LRRFIP2: variants seen among roughly 807,000 people sequenced by gnomAD.
LRRFIP2 encodes leucine-rich repeat flightless-interacting protein 2.
Under a neutral mutation model 125.9 loss-of-function variants are expected in LRRFIP2, and 109 were observed. The ratio of observed to expected loss-of-function variants is 0.87; its 90% CI spans 0.74 to 1.01. LRRFIP2 has a LOEUF of 1.01. LRRFIP2 is among the 50% of genes least tolerant of loss of function. LRRFIP2 has a pLI of 0.00. For synonymous variants in LRRFIP2, 291 were observed against 293.1 expected (o/e 0.99, Z 0.07); for missense variants, 850 against 862.3 (o/e 0.99, Z 0.18).
rs189217988 is a variant in LRRFIP2, at chr3:37,074,589, T to C, written c.1371+435A>G. Among the ~76,000 whole-genome samples the C allele has an allele frequency of 2.7e-3, 416 of 152,356 alleles. 3 individuals carry two copies. Among genetic ancestry groups the C allele is most frequent in the African/African-American group, 9.6e-3 (398 of 41,580 alleles). On this transcript the variant is annotated intron_variant, in intron 20 of 27. Transcript: ENST00000336686. ...CTGAACCTTCAGACTAACCATTCTTTACCTTTTTGTACAGAACGTATCTTG... is the reference window on the plus strand; with the variant it reads ...CTGAACCTTCAGACTAACCATTCTTCACCTTTTTGTACAGAACGTATCTTG...
chr3:37,058,691 A>C, intron 25 of LRRFIP2, 99 bp downstream of exon 25: 1 of 1,270,482 alleles, frequency 7.9e-7, no homozygotes, highest in Non-Finnish European at 1.1e-6. Flanking sequence ...AAAAAAAAAA[A>C]GAAAAGTGTA....
chr3:37,101,948 G>A lies in LRRFIP2; in HGVS notation c.873+976C>T, dbSNP rs191507957. ...AGTTCCTGATGAATGTGGGAGCAAT[G>A]GATAGGCACACTTCTTCAGAACAAT... is the stretch of plus-strand genomic sequence containing the variant. On this transcript the variant is annotated intron_variant, in intron 15 of 27. Transcript: ENST00000336686. Among the ~76,000 whole-genome samples, 19 of 152,210 alleles carry A rather than the reference G, an allele frequency of 1.2e-4. No homozygotes were observed. The South Asian group carries it at 2.3e-3, about 18-fold the overall frequency.
In LRRFIP2 at chr3:37,092,910, C is replaced by T. The variant is rs541088395; in HGVS notation, c.1036-1372G>A. On this transcript the variant is annotated intron_variant, in intron 17 of 27. Transcript: ENST00000336686. Reference sequence around the variant, plus strand: ...CTGGAGTGCAGAGGCACGATCTCGGCTCACTGCAACCTCTGCCTCCCGGGT... The same window carrying T: ...CTGGAGTGCAGAGGCACGATCTCGGTTCACTGCAACCTCTGCCTCCCGGGT... 2.6e-5 allele frequency among the ~76,000 whole-genome samples: 4 copies of T among 152,274 alleles called. No homozygotes were observed. In the East Asian group the frequency reaches 7.7e-4, roughly 29 times the overall value.
chr3:37,128,028 C>T (rs1465363082), intron 3 of LRRFIP2, among the ~76,000 whole-genome samples: 1 of 152,092 alleles, frequency 6.6e-6, no homozygotes, highest in Non-Finnish European at 1.5e-5. Context: ...CTCAAGTGAT[C>T]CTCCACTTCA....
chr3:37,055,960 T>C (rs1371706870), intron 25 of LRRFIP2, among the ~76,000 whole-genome samples: 1 of 152,234 alleles, frequency 6.6e-6, no homozygotes, highest in Non-Finnish European at 1.5e-5. Flanking sequence ...ACCTCTTTCA[T>C]GACTCCCCTT....
At chr3:37,151,905 G>C (rs868366738) in intron 1 of LRRFIP2, among the ~76,000 whole-genome samples, 5 of 152,038 alleles carry the variant, frequency 3.3e-5, no homozygotes, top group African/African-American at 1.2e-4. Flanking sequence ...AGGCCTGGCC[G>C]GAAGATTTCT....
chr3:37,131,258 T>C (rs535670530), intron 2 of LRRFIP2, among the ~76,000 whole-genome samples: 1 of 152,302 alleles, frequency 6.6e-6, no homozygotes, highest in Admixed American at 6.5e-5. Flanking sequence ...ACAAACTGTT[T>C]GGCAGGAGCT....
At chr3:37,117,826 G>C (rs1396808072) in intron 6 of LRRFIP2, among the ~76,000 whole-genome samples, 2 of 151,984 alleles carry the variant, frequency 1.3e-5, no homozygotes, top group Non-Finnish European at 2.9e-5. Flanking sequence ...CATTTTCCTG[G>C]GCTACACACC....
At chr3:37,089,851 A>G (rs1181765317) in intron 18 of LRRFIP2, among the ~76,000 whole-genome samples, 2 of 152,216 alleles carry the variant, frequency 1.3e-5, no homozygotes, top group Non-Finnish European at 2.9e-5. Context: ...CTAAAACCTT[A>G]AAAGAGAGAT....
chr3:37,112,886 A>C, intron 8 of LRRFIP2, 29 bp downstream of exon 8: 1 of 1,355,706 alleles, frequency 7.4e-7, no homozygotes, highest in Middle Eastern at 1.9e-4. Context: ...TACTTCGTGA[A>C]TTGTGATATG....
intron 1 of LRRFIP2, among the ~76,000 whole-genome samples, chr3:37,173,612 G>A (rs1035856096): frequency 2.6e-5 from 4 of 152,166 alleles, no homozygotes; most frequent in African/African-American, 9.7e-5. Flanking sequence ...TATTTTGCAG[G>A]TGCAATGGAT....
chr3:37,082,514 T>C lies in LRRFIP2; in HGVS notation c.1278+1122A>G, dbSNP rs79227642. On this transcript the variant is annotated intron_variant, in intron 19 of 27. Transcript: ENST00000336686. ...ATTTCGTTCTATCACTGAACCAACATTGACAGATCACTATCACCCAAAGTC... is the reference window on the plus strand; with the variant it reads ...ATTTCGTTCTATCACTGAACCAACACTGACAGATCACTATCACCCAAAGTC... Among the ~76,000 whole-genome samples, 41 of 152,200 alleles carry C rather than the reference T, an allele frequency of 2.7e-4. No individual in the cohort carries two copies. The East Asian group carries it at 5.8e-3, about 22-fold the overall frequency.
At chr3:37,101,668 G>GA (rs56878231) in intron 15 of LRRFIP2, among the ~76,000 whole-genome samples, 97,419 of 128,298 alleles carry the variant, frequency 0.76, 36,589 homozygotes, top group Middle Eastern at 0.83. Flanking sequence ...CTGTCACCAA[G>GA]AAAAAAAAAA....
chr3:37,065,562 T>G, intron 23 of LRRFIP2: 1 of 642,822 alleles, frequency 1.6e-6, no homozygotes, highest in South Asian at 1.5e-5. Context: ...CCGATGTGTA[T>G]AGGCCCATAG....
chr3:37,073,374 T>C (rs1258379223), intron 20 of LRRFIP2, among the ~76,000 whole-genome samples: 1 of 152,224 alleles, frequency 6.6e-6, no homozygotes, highest in African/African-American at 2.4e-5. Context: ...ACACCATGAA[T>C]TTTGTATTAT....
chr3:37,132,281 TAA>T (rs67923091), intron 2 of LRRFIP2, among the ~76,000 whole-genome samples: 59,093 of 151,894 alleles, frequency 0.39, 12,119 homozygotes, highest in Non-Finnish European at 0.45. Flanking sequence ...ACATGTATAT[TAA>T]ATTGTACCTG....
intron 3 of LRRFIP2, 82 bp from the exon 4 acceptor site, chr3:37,127,762 T>C: frequency 9.1e-7 from 1 of 1,095,896 alleles, no homozygotes; most frequent in Non-Finnish European, 1.4e-6. Flanking sequence ...CATACACATT[T>C]TCCCTAAAAA....
chr3:37,141,904 C>A (rs991726038), intron 2 of LRRFIP2, among the ~76,000 whole-genome samples: 1 of 152,188 alleles, frequency 6.6e-6, no homozygotes, highest in Non-Finnish European at 1.5e-5. Context: ...GGTCCCAGCT[C>A]CAGCCAGTTT....
intron 27 of LRRFIP2, 29 bp from the exon 28 acceptor site, chr3:37,053,990 A>G: frequency 7.7e-7 from 1 of 1,304,512 alleles, no homozygotes; most frequent in Non-Finnish European, 1.1e-6. Flanking sequence ...CAGTCACTAC[A>G]TGTGGTCAGA....
Sources: gnomAD v4.1 joint callset for allele counts (sites outside exome capture counted in the v4.1 genomes callset) on GRCh38, gnomAD v4.1.1 for gene constraint, MANE v1.5 for transcripts, NCBI Gene and HGNC (gene_info 2026-07-23, HGNC 2026-07-21) for gene names.